NDFIP1: variants seen among roughly 807,000 people sequenced by gnomAD.
NDFIP1 encodes Nedd4 family interacting protein 1, also known as NEDD4 family-interacting protein 1.
In NDFIP1, 7 loss-of-function variants were observed where a neutral mutation model predicts 28.8. The ratio of observed to expected loss-of-function variants is 0.24; its 90% CI spans 0.14 to 0.46. The LOEUF is 0.46. NDFIP1 is among the 20% of genes least tolerant of loss of function. NDFIP1 has a pLI of 0.99. For synonymous variants in NDFIP1, 92 were observed against 101.0 expected (o/e 0.91, Z 0.53); for missense variants, 194 against 269.1 (o/e 0.72, Z 1.95).
intron 7 of NDFIP1, among the ~76,000 whole-genome samples, chr5:142,145,467 GC>G (rs1172822826): frequency 1.3e-5 from 2 of 152,114 alleles, no homozygotes; most frequent in Non-Finnish European, 2.9e-5. Flanking sequence ...GTTCCTTGGG[GC>G]TTTGGGGACT....
At chr5:142,149,837 T>C (rs1757426637) in intron 7 of NDFIP1, among the ~76,000 whole-genome samples, 1 of 152,180 alleles carries the variant, frequency 6.6e-6, no homozygotes, top group Admixed American at 6.6e-5. Flanking sequence ...TGTATATTCT[T>C]GCAAACTCTG....
chr5:142,116,370 C>CTCTT (rs780957164), intron 1 of NDFIP1, among the ~76,000 whole-genome samples: 2 of 143,758 alleles, frequency 1.4e-5, no homozygotes, highest in African/African-American at 2.6e-5. Flanking sequence ...CTCTCTCTCT[C>CTCTT]TCTTTCTTTC....
chr5:142,138,014 C>G (rs2126920172), intron 5 of NDFIP1, 156 bp downstream of exon 5: 1 of 867,822 alleles, frequency 1.2e-6, no homozygotes, highest in African/African-American at 1.7e-5. Flanking sequence ...GAACCAAAAT[C>G]ATTTGCAAAT....
intron 1 of NDFIP1, among the ~76,000 whole-genome samples, chr5:142,115,527 T>C (rs10079513): frequency 0.67 from 102,247 of 151,914 alleles, 34,746 homozygotes; most frequent in African/African-American, 0.77. Context: ...TCAAGTGATC[T>C]GCCCGCCTCG....
chr5:142,145,918 G>A (rs1251423643), intron 7 of NDFIP1, among the ~76,000 whole-genome samples: 1 of 152,144 alleles, frequency 6.6e-6, no homozygotes, highest in Non-Finnish European at 1.5e-5. Flanking sequence ...TCTCAATTTT[G>A]AAGACTTGTG....
At chr5:142,119,678 T>C (rs1178584450) in intron 1 of NDFIP1, among the ~76,000 whole-genome samples, 1 of 152,144 alleles carries the variant, frequency 6.6e-6, no homozygotes, top group Non-Finnish European at 1.5e-5. Flanking sequence ...TTTCCAAACT[T>C]TCTGCTAATG....
chr5:142,110,519 T>C (rs1452879878), intron 1 of NDFIP1, among the ~76,000 whole-genome samples: 1 of 152,190 alleles, frequency 6.6e-6, no homozygotes, highest in Non-Finnish European at 1.5e-5. Flanking sequence ...GACATACTGC[T>C]AGAATATAAA....
intron 3 of NDFIP1, chr5:142,134,176 G>GC (rs1339550225): frequency 6.6e-6 from 1 of 152,174 alleles, no homozygotes; most frequent in Non-Finnish European, 1.5e-5. Flanking sequence ...GAGTTTTTGA[G>GC]CAGGGGTATG....
intron 4 of NDFIP1, among the ~76,000 whole-genome samples, chr5:142,137,039 C>T (rs1344929463): frequency 7.0e-6 from 1 of 142,540 alleles, no homozygotes. Context: ...CTACTGCACT[C>T]CAGCCTGGGT....
intron 4 of NDFIP1, 56 bp downstream of exon 4, chr5:142,135,873 T>C: frequency 4.9e-6 from 6 of 1,215,088 alleles, no homozygotes; most frequent in Non-Finnish European, 7.3e-6. Flanking sequence ...CTTTGGATTA[T>C]GGGTGAATCT....
chr5:142,123,539 A>G (rs1757141552), intron 1 of NDFIP1, among the ~76,000 whole-genome samples: 1 of 152,146 alleles, frequency 6.6e-6, no homozygotes. Context: ...ATGACAAATA[A>G]TTAGGAGCTT....
In NDFIP1 at chr5:142,144,687, A is replaced by C; in HGVS notation, c.*2+11A>C. 1 of 1,526,338 alleles carries C rather than the reference A, an allele frequency of 6.6e-7. No individual in the cohort carries two copies. Among genetic ancestry groups the C allele is most frequent in the African/African-American group, 1.4e-5 (1 of 72,458 alleles). 94.5% of individuals were successfully genotyped at this position (1,526,338 alleles called of 1,614,324 possible). On this transcript the variant is annotated intron_variant, in intron 7 of 7. Coordinates refer to ENST00000253814, the MANE Select transcript of NDFIP1 (RefSeq NM_030571.4). ...CTTTATTTATTAAAGGTATTAAAGAAAAAATTTATTCTAGTCCCAGTGTAA... is the reference window on the plus strand; with the variant it reads ...CTTTATTTATTAAAGGTATTAAAGACAAAATTTATTCTAGTCCCAGTGTAA...
chr5:142,114,205 C>T (rs1350109407), intron 1 of NDFIP1, among the ~76,000 whole-genome samples: 1 of 152,196 alleles, frequency 6.6e-6, no homozygotes, highest in Non-Finnish European at 1.5e-5. Context: ...TCCATATCCT[C>T]AACATACTTG....
chr5:142,117,607 A>G (rs1757082552), intron 1 of NDFIP1, among the ~76,000 whole-genome samples: 1 of 152,146 alleles, frequency 6.6e-6, no homozygotes, highest in Non-Finnish European at 1.5e-5. Context: ...TTAAATAGTA[A>G]TACATTCTTC....
rs772969998 is a variant in NDFIP1 at position 142,153,250 on chromosome 5, T to A, written c.*1522T>A. 4.4e-6 allele frequency: 2 copies of A among 453,174 alleles called. No homozygotes were observed. Among genetic ancestry groups the A allele is most frequent in the Non-Finnish European group, 4.4e-6 (1 of 226,468 alleles). The allele number at this position is 453,174 out of a possible 1,614,324, so 28.1% of individuals were successfully genotyped here. ...TTAGAGACCAGTTGTTTTTATGATA[T>A]CAGCCATTTGATTTTTTTCATTTTC... On this transcript the variant is annotated 3_prime_UTR_variant, in exon 8 of 8. Transcript: ENST00000253814.
chr5:142,133,749 A>G (rs1561602105), intron 3 of NDFIP1, among the ~76,000 whole-genome samples: 1 of 152,242 alleles, frequency 6.6e-6, no homozygotes, highest in Admixed American at 6.5e-5. Flanking sequence ...TATAAGATGC[A>G]GTATATTTTA....
intron 1 of NDFIP1, among the ~76,000 whole-genome samples, chr5:142,119,647 G>A (rs1393728924): frequency 6.6e-6 from 1 of 152,030 alleles, no homozygotes; most frequent in Non-Finnish European, 1.5e-5. Flanking sequence ...AAGAAAAATG[G>A]TAGGACTGAT....
intron 1 of NDFIP1, among the ~76,000 whole-genome samples, chr5:142,119,228 A>G (rs995443153): frequency 6.6e-6 from 1 of 152,178 alleles, no homozygotes; most frequent in African/African-American, 2.4e-5. Flanking sequence ...TCCCACTCCA[A>G]CATGGAGAAA....
At chr5:142,117,018 A>G (rs897030347) in intron 1 of NDFIP1, among the ~76,000 whole-genome samples, 5 of 151,534 alleles carry the variant, frequency 3.3e-5, no homozygotes, top group African/African-American at 1.2e-4. Context: ...GCCCATATGT[A>G]TAATATATTT....
Sources: gnomAD v4.1 joint callset for allele counts (sites outside exome capture counted in the v4.1 genomes callset) on GRCh38, gnomAD v4.1.1 for gene constraint, MANE v1.5 for transcripts, NCBI Gene and HGNC (gene_info 2026-07-23, HGNC 2026-07-21) for gene names.